PLCXD3: variants seen among roughly 807,000 people sequenced by gnomAD.
PLCXD3 encodes the protein PI-PLC X domain-containing protein 3.
Under a neutral mutation model 25.5 loss-of-function variants are expected in PLCXD3, and 19 were observed. The ratio of observed to expected loss-of-function variants is 0.75; its 90% CI spans 0.52 to 1.09. The LOEUF (loss-of-function observed/expected upper bound fraction) is 1.09. Among genes scored for constraint, PLCXD3 ranks in the 50% least tolerant of loss-of-function variants. The pLI is 0.00. For synonymous variants in PLCXD3, 174 were observed against 137.6 expected, an observed-to-expected ratio of 1.26 and a Z score of -1.85; for missense variants, 411 against 388.1, an observed-to-expected ratio of 1.06 and a Z score of -0.50.
rs1363268647 is a variant in PLCXD3, at chr5:41,488,265, T to G, written c.103+22159A>C. 2.8e-5 allele frequency among the ~76,000 whole-genome samples: 4 copies of G among 144,398 alleles called. No homozygotes were observed. The East Asian group carries it at 6.0e-4, about 22-fold the overall frequency. The allele number at this position is 144,398 out of a possible 152,430, so 94.7% of individuals were successfully genotyped here. Reference sequence around the variant, plus strand: ...CCTACAAAGGACATGAACTCATCATTTTTTATGGCTGCATAGTATTCCATG... The same window carrying G: ...CCTACAAAGGACATGAACTCATCATGTTTTATGGCTGCATAGTATTCCATG... On this transcript the variant is annotated intron_variant, in intron 1 of 2. Transcript: ENST00000377801.
chr5:41,332,875 A>G (rs1420167550), intron 2 of PLCXD3, among the ~76,000 whole-genome samples: 5 of 152,144 alleles, frequency 3.3e-5, no homozygotes, highest in African/African-American at 1.2e-4. Context: ...ATTCTCACTC[A>G]TAGGTGGGAA....
chr5:41,434,329 G>A (rs1451178477), intron 1 of PLCXD3, among the ~76,000 whole-genome samples: 2 of 152,198 alleles, frequency 1.3e-5, no homozygotes, highest in East Asian at 1.9e-4. Context: ...AGGTGCTGGG[G>A]ATGTGATGTG....
chr5:41,468,806 A>G (rs1428034570), intron 1 of PLCXD3, among the ~76,000 whole-genome samples: 1 of 152,170 alleles, frequency 6.6e-6, no homozygotes, highest in East Asian at 1.9e-4. Flanking sequence ...AAGGTTATGT[A>G]ATCTTACATA....
At chr5:41,509,448 C>A (rs1339391262) in intron 1 of PLCXD3, among the ~76,000 whole-genome samples, 4 of 152,286 alleles carry the variant, frequency 2.6e-5, no homozygotes, top group Non-Finnish European at 5.9e-5. Context: ...TCCTGGATAC[C>A]TGATCTAGGG....
intron 1 of PLCXD3, among the ~76,000 whole-genome samples, chr5:41,445,216 C>A (rs1334237833): frequency 6.6e-6 from 1 of 152,138 alleles, no homozygotes; most frequent in Non-Finnish European, 1.5e-5. Context: ...CATAACAAGT[C>A]TGGTTTATTG....
chr5:41,408,124 A>G (rs1281102194), intron 1 of PLCXD3, among the ~76,000 whole-genome samples: 2 of 152,188 alleles, frequency 1.3e-5, no homozygotes, highest in African/African-American at 4.8e-5. Flanking sequence ...AGAAAAAAAG[A>G]GCTTGCTCCC....
chr5:41,428,709 C>CA (rs1259406034), intron 1 of PLCXD3, among the ~76,000 whole-genome samples: 1 of 152,030 alleles, frequency 6.6e-6, no homozygotes, highest in African/African-American at 2.4e-5. Context: ...TTTTCAAAAC[C>CA]TTTTTCAACT....
chr5:41,436,185 A>G (rs1230465646), intron 1 of PLCXD3, among the ~76,000 whole-genome samples: 1 of 151,984 alleles, frequency 6.6e-6, no homozygotes, highest in African/African-American at 2.4e-5. Flanking sequence ...CATGTGGTTC[A>G]ACTCATAAAT....
rs680101 is a variant in PLCXD3, at chr5:41,422,942, T to C, written c.104-40408A>G. ...ATAGAATACTAGGTTAGGTAGTTGA[T>C]AGATATACTTTATCAGCTTAAGGAA... On this transcript the variant is annotated intron_variant, in intron 1 of 2. Coordinates refer to ENST00000377801, the MANE Select transcript of PLCXD3 (RefSeq NM_001005473.3). Among the ~76,000 whole-genome samples the C allele has an allele frequency of 2.3e-3, 354 of 152,254 alleles. 1 individual carries two copies. Among genetic ancestry groups the C allele is most frequent in the African/African-American group, 8.1e-3 (337 of 41,576 alleles).
At chr5:41,456,533 A>G (rs1223914093) in intron 1 of PLCXD3, 5 of 935,586 alleles carry the variant, frequency 5.3e-6, no homozygotes, top group Non-Finnish European at 6.4e-6. Context: ...CAAGTTCTTA[A>G]TCTCTAGACT....
chr5:41,415,246 C>T (rs868394711), intron 1 of PLCXD3, among the ~76,000 whole-genome samples: 27 of 152,274 alleles, frequency 1.8e-4, no homozygotes, highest in Middle Eastern at 3.4e-3. Flanking sequence ...ACCGAATCCC[C>T]TGCTCTTTCT....
chr5:41,431,623 C>T (rs1387962425), intron 1 of PLCXD3, among the ~76,000 whole-genome samples: 1 of 152,064 alleles, frequency 6.6e-6, no homozygotes, highest in Non-Finnish European at 1.5e-5. Context: ...TTTTGTTCTT[C>T]ATTCAAAAAT....
chr5:41,391,274 G>C (rs913331710), intron 1 of PLCXD3, among the ~76,000 whole-genome samples: 2 of 152,094 alleles, frequency 1.3e-5, no homozygotes, highest in African/African-American at 4.8e-5. Context: ...CCTAACCTCA[G>C]GCTGCACAGC....
chr5:41,320,996 T>C (rs1000048819), intron 2 of PLCXD3, among the ~76,000 whole-genome samples: 1 of 152,232 alleles, frequency 6.6e-6, no homozygotes, highest in Non-Finnish European at 1.5e-5. Flanking sequence ...AGTATCATAC[T>C]GAATGAGGAA....
At chr5:41,346,780 C>T (rs752080719) in intron 2 of PLCXD3, among the ~76,000 whole-genome samples, 32 of 152,160 alleles carry the variant, frequency 2.1e-4, no homozygotes, top group Admixed American at 1.3e-4. Flanking sequence ...GTCTTTTTCA[C>T]TTATCAATGT....
At chr5:41,339,550 G>T (rs1744079752) in intron 2 of PLCXD3, among the ~76,000 whole-genome samples, 2 of 151,978 alleles carry the variant, frequency 1.3e-5, no homozygotes, top group Admixed American at 1.3e-4. Flanking sequence ...AAATACAGAA[G>T]CAGGGTTTCC....
chr5:41,455,944 T>C (rs977919738), intron 1 of PLCXD3, among the ~76,000 whole-genome samples: 3 of 151,938 alleles, frequency 2.0e-5, no homozygotes, highest in African/African-American at 7.3e-5. Flanking sequence ...ACAATGCATG[T>C]AAGATTGTCG....
chr5:41,377,116 G>T (rs1745319393), intron 2 of PLCXD3, among the ~76,000 whole-genome samples: 2 of 152,048 alleles, frequency 1.3e-5, no homozygotes, highest in African/African-American at 4.8e-5. Flanking sequence ...ATAGAGTTTG[G>T]ATTTAAATTC....
At chr5:41,383,183 A>T (rs1580339850) in intron 1 of PLCXD3, among the ~76,000 whole-genome samples, 1 of 152,132 alleles carries the variant, frequency 6.6e-6, no homozygotes, top group African/African-American at 2.4e-5. Flanking sequence ...TAAATGATGA[A>T]CTGTTCTTGC....
Sources: allele counts gnomAD v4.1 joint callset (sites outside exome capture counted in the v4.1 genomes callset), GRCh38; gene constraint gnomAD v4.1.1; transcripts MANE v1.5; gene names NCBI Gene and HGNC (gene_info 2026-07-23, HGNC 2026-07-21).